The following CNTN6 variants were observed in gnomAD, a reference collection of about 807,000 sequenced individuals.
The protein encoded by CNTN6 is contactin-6.
A neutral mutation model predicts 122.8 loss-of-function variants in CNTN6; 137 were observed. That is an observed-to-expected ratio of 1.12 (90% confidence interval 0.97 to 1.29). CNTN6 has a LOEUF of 1.29. Among genes scored for constraint, CNTN6 ranks in the 50% most tolerant of loss-of-function variants. CNTN6 has a pLI of 0.00. For missense variants in CNTN6, 1,634 were observed against 1,223.4 expected, an observed-to-expected ratio of 1.34 and a Z score of -5.01; for synonymous variants, 570 against 426.0, an observed-to-expected ratio of 1.34 and a Z score of -4.16.
chr3:1,264,518 A>T (rs775300459), intron 4 of CNTN6, among the ~76,000 whole-genome samples: 1 of 152,130 alleles, frequency 6.6e-6, no homozygotes, highest in Non-Finnish European at 1.5e-5. Context: ...TTCAGCTTTG[A>T]CTGTAACCTA....
At chr3:1,280,438 T>C (rs1164980257) in intron 5 of CNTN6, among the ~76,000 whole-genome samples, 1 of 147,314 alleles carries the variant, frequency 6.8e-6, no homozygotes, top group Non-Finnish European at 1.5e-5. Flanking sequence ...ATGGGAGTAA[T>C]GGCAAACTTG....
At chr3:1,203,755 T>C (rs1449670742) in intron 2 of CNTN6, among the ~76,000 whole-genome samples, 2 of 152,226 alleles carry the variant, frequency 1.3e-5, no homozygotes, top group Non-Finnish European at 1.5e-5. Flanking sequence ...TTCCAGATTT[T>C]TTTTAGAGTA....
At chr3:1,245,062 G>T (rs1559594224) in intron 4 of CNTN6, among the ~76,000 whole-genome samples, 1 of 148,520 alleles carries the variant, frequency 6.7e-6, no homozygotes, top group Admixed American at 6.9e-5. Context: ...CAGGGGATGC[G>T]ATGGCCTGGT....
intron 1 of CNTN6, among the ~76,000 whole-genome samples, chr3:1,120,332 G>A (rs140857520): frequency 1.6e-3 from 250 of 151,962 alleles, no homozygotes; most frequent in African/African-American, 5.8e-3. Context: ...TATACGAAAG[G>A]TTTAGCTGTT....
chr3:1,122,646 T>G (rs1050189426), intron 1 of CNTN6, among the ~76,000 whole-genome samples: 1 of 151,880 alleles, frequency 6.6e-6, no homozygotes, highest in Non-Finnish European at 1.5e-5. Flanking sequence ...CAATCTGTCC[T>G]CTGCCTATGT....
intron 4 of CNTN6, among the ~76,000 whole-genome samples, chr3:1,254,429 C>T (rs569343725): frequency 6.6e-5 from 10 of 152,212 alleles, no homozygotes; most frequent in African/African-American, 2.2e-4. Flanking sequence ...AAGTTTACTT[C>T]GTTTCAACGA....
At chr3:1,349,241 T>A (rs1460819968) in intron 11 of CNTN6, among the ~76,000 whole-genome samples, 1 of 151,846 alleles carries the variant, frequency 6.6e-6, no homozygotes, top group Non-Finnish European at 1.5e-5. Context: ...TATAATAATA[T>A]ACATATAATA....
At chr3:1,361,569 A>T (rs1707469990) in intron 12 of CNTN6, among the ~76,000 whole-genome samples, 1 of 152,114 alleles carries the variant, frequency 6.6e-6, no homozygotes, top group African/African-American at 2.4e-5. Context: ...ACTGACAGCA[A>T]TTATCATACT....
chr3:1,372,729 T>C (rs557136622), intron 13 of CNTN6, 109 bp from the exon 14 acceptor site: 239 of 736,890 alleles, frequency 3.2e-4, no homozygotes, highest in South Asian at 4.6e-4. Flanking sequence ...CTAGTATATC[T>C]TTTAATTTCA....
At chr3:1,278,365 A>T (rs963650795) in intron 4 of CNTN6, 48 bp from the exon 5 acceptor site, 1 of 1,252,484 alleles carries the variant, frequency 8.0e-7, no homozygotes, top group Non-Finnish European at 1.1e-6. Context: ...TAAAATATTT[A>T]TTCTGCAAAG....
chr3:1,098,789 C>CACAGATATATATATATATATATATAT, intron 1 of CNTN6, among the ~76,000 whole-genome samples: 1 of 63,262 alleles, frequency 1.6e-5, no homozygotes, highest in South Asian at 7.0e-4. Flanking sequence ...CACACACACA[C>CACAGATATATATATATATATATATAT]ATATATATAT....
At chr3:1,311,607 A>G (rs975512477) in intron 7 of CNTN6, among the ~76,000 whole-genome samples, 2 of 150,212 alleles carry the variant, frequency 1.3e-5, no homozygotes, top group African/African-American at 4.9e-5. Flanking sequence ...TGAAAAAGTC[A>G]GATATACTCA....
At chr3:1,270,741 C>T (rs538017942) in intron 4 of CNTN6, among the ~76,000 whole-genome samples, 9 of 152,184 alleles carry the variant, frequency 5.9e-5, no homozygotes, top group South Asian at 4.1e-4. Flanking sequence ...TTAGACCTAA[C>T]GTCTTTGAAG....
At chr3:1,359,750 C>A (rs1707178944) in intron 12 of CNTN6, among the ~76,000 whole-genome samples, 1 of 152,052 alleles carries the variant, frequency 6.6e-6, no homozygotes, top group Admixed American at 6.6e-5. Flanking sequence ...CTAAAAACAA[C>A]TCCTTTATTT....
intron 7 of CNTN6, among the ~76,000 whole-genome samples, chr3:1,300,018 T>C (rs1159480641): frequency 3.3e-5 from 5 of 151,948 alleles, no homozygotes; most frequent in Non-Finnish European, 4.4e-5. Flanking sequence ...GCTCTGTTGC[T>C]CAGGCTGGAG....
intron 2 of CNTN6, among the ~76,000 whole-genome samples, chr3:1,217,708 C>T (rs1256231891): frequency 6.6e-6 from 1 of 152,152 alleles, no homozygotes; most frequent in Non-Finnish European, 1.5e-5. Flanking sequence ...GAAATCTGTT[C>T]TCAGATTCCT....
intron 21 of CNTN6, 95 bp from the exon 22 acceptor site, chr3:1,402,223 A>T: frequency 1.2e-6 from 1 of 858,846 alleles, no homozygotes; most frequent in South Asian, 2.3e-5. Flanking sequence ...AACATTTATG[A>T]TGATGTATCT....
At chr3:1,185,263 A>T (rs115195330) in intron 2 of CNTN6, among the ~76,000 whole-genome samples, 1,636 of 152,204 alleles carry the variant, frequency 0.011, 39 homozygotes, top group African/African-American at 0.038. Flanking sequence ...ATTTTTGAAA[A>T]ATTTTGTATT....
At chr3:1,209,531 T>C (rs895306125) in intron 2 of CNTN6, among the ~76,000 whole-genome samples, 1 of 152,224 alleles carries the variant, frequency 6.6e-6, no homozygotes, top group African/African-American at 2.4e-5. Context: ...ATCTAACTGA[T>C]GCTTGATGTT....
Sources: allele counts gnomAD v4.1 joint callset (sites outside exome capture counted in the v4.1 genomes callset), GRCh38; gene constraint gnomAD v4.1.1; transcripts MANE v1.5; gene names NCBI Gene and HGNC (gene_info 2026-07-23, HGNC 2026-07-21).